Variants in PGAP6 observed in about 807,000 individuals in gnomAD.
The protein encoded by PGAP6 is post-GPI attachment to proteins 6.
In PGAP6, 62 loss-of-function variants were observed where a neutral mutation model predicts 68.4. That is an observed-to-expected ratio of 0.91 (90% CI 0.74 to 1.12). The LOEUF (loss-of-function observed/expected upper bound fraction) is 1.12. Among genes scored for constraint, PGAP6 ranks in the 50% most tolerant of loss-of-function variants. The pLI, the probability that PGAP6 is intolerant of heterozygous loss-of-function variation, is 0.00. For missense variants in PGAP6, 1,188 were observed against 1,068.5 expected (o/e 1.11, Z -1.56); for synonymous variants, 575 against 474.0 (o/e 1.21, Z -2.77).
intron 11 of PGAP6, 96 bp downstream of exon 11, chr16:373,909 G>A: frequency 1.6e-5 from 22 of 1,415,946 alleles, no homozygotes; most frequent in Admixed American, 5.3e-5. Context: ...CGTGCCCAAC[G>A]CCAGGTCCGG....
rs370572988 is a variant in PGAP6, at chr16:377,531, C to T, written c.354G>A (p.Pro118=). 1.8e-5 allele frequency: 28 copies of T among 1,592,714 alleles called. No homozygotes were observed. The highest frequency in any genetic ancestry group is 2.7e-5 in the African/African-American group (2 of 74,630). The change falls in exon 3 of 13, where the codon CCG becomes CCA. Residue 118 remains proline, a synonymous_variant. Transcript: ENST00000431232. Reference sequence around the variant, plus strand: ...AGGAGGGCTGTACCGCGGTGTCGTCCGGGAAGCTGGTGCCCAGCGGGTTGA... The same window carrying T: ...AGGAGGGCTGTACCGCGGTGTCGTCTGGGAAGCTGGTGCCCAGCGGGTTGA... The part of the protein sequence containing the change: ...PVINPLGTSF[P]DDTAVQPSFQ...
chr16:377,682 C>A lies in PGAP6; in HGVS notation c.288G>T (p.Ala96=). 1 of 1,584,956 alleles carries A rather than the reference C, an allele frequency of 6.3e-7. No individual in the cohort carries two copies. Among genetic ancestry groups the A allele is most frequent in the East Asian group, 2.3e-5 (1 of 43,224 alleles). The stretch of plus-strand genomic sequence containing the variant: ...GGGCAGCCACCTACACGGTGATCTC[C>A]GCGTCGGTGCAGGCAGCGCCGCTCT... ...SRESGAACTD[A]EITVHFRSGA... The change falls in exon 2 of 13, where the codon GCG becomes GCT. Residue 96 remains alanine (A), a synonymous_variant. Transcript: ENST00000431232.
At chr16:381,491 G>T (rs887843943) in intron 1 of PGAP6, among the ~76,000 whole-genome samples, 5 of 152,158 alleles carry the variant, frequency 3.3e-5, no homozygotes, top group Non-Finnish European at 7.4e-5. Context: ...CCGATCGGGG[G>T]ACCGAGGAGG....
rs575684080 is a variant in PGAP6, at chr16:375,964, A to G, written c.1224+172T>C. 1.3e-4 allele frequency among the ~76,000 whole-genome samples: 20 copies of G among 151,974 alleles called. No homozygotes were observed. In the East Asian group the frequency reaches 3.9e-3, roughly 29 times the overall value. On this transcript the variant is annotated intron_variant, in intron 6 of 12. Transcript: ENST00000431232. ...CACAGCCCCGGGGCCTGTTGACAGG[A>G]ACAAGGCTGCCCAGCAGGGGAGGCC... is the stretch of plus-strand genomic sequence containing the variant.
chr16:386,083 G>A (rs924760626), upstream of PGAP6, among the ~76,000 whole-genome samples: 15 of 152,146 alleles, frequency 9.9e-5, no homozygotes, highest in African/African-American at 3.6e-4. Flanking sequence ...CCCCTCTAGT[G>A]AGCCTGGGTG....
upstream of PGAP6, among the ~76,000 whole-genome samples, chr16:384,632 G>A (rs899660849): frequency 6.6e-6 from 1 of 152,162 alleles, no homozygotes; most frequent in African/African-American, 2.4e-5. Flanking sequence ...GAGGCCGGCG[G>A]ATCACGAGGT....
upstream of PGAP6, among the ~76,000 whole-genome samples, chr16:382,752 G>T: frequency 7.0e-6 from 1 of 143,810 alleles, no homozygotes; most frequent in African/African-American, 2.5e-5. Context: ...GGGTGGGAGG[G>T]GGGTGGGGGC....
intron 11 of PGAP6, among the ~76,000 whole-genome samples, chr16:373,197 G>A (rs529127414): frequency 6.6e-6 from 1 of 152,324 alleles, no homozygotes; most frequent in East Asian, 1.9e-4. Flanking sequence ...AGCCCTGCAG[G>A]ACCCTGGTGC....
chr16:381,708 C>A lies in PGAP6; in HGVS notation c.114G>T (p.Gly38=). Residue 38 remains glycine, a synonymous_variant, in exon 1 of 13, where the codon GGG becomes GGT. Transcript: ENST00000431232. ...RPPPASAGYS[G]KSEVGLVSEH... ...CCCGCGCCTCCCGCTCACCGCTCTTCCCGCTGTAGCCGGCGGAGGCAGGCG... is the reference window on the plus strand; with the variant it reads ...CCCGCGCCTCCCGCTCACCGCTCTTACCGCTGTAGCCGGCGGAGGCAGGCG... 1 of 1,210,330 alleles carries A rather than the reference C, an allele frequency of 8.3e-7. No individual in the cohort carries two copies. 75.0% of individuals were successfully genotyped at this position (1,210,330 alleles called of 1,614,324 possible). A position where few individuals can be genotyped will look rare whatever the true frequency, so the allele number is the denominator to read the frequency against.
chr16:371,741 C>T lies in PGAP6; in HGVS notation c.*246G>A. 1.9e-6 allele frequency: 1 copy of T among 520,424 alleles called. No homozygotes were observed. Among genetic ancestry groups the T allele is most frequent in the Non-Finnish European group, 3.5e-6 (1 of 287,582 alleles). The allele number at this position is 520,424 out of a possible 1,614,324, so 32.2% of individuals were successfully genotyped here. ...GGTCTCCAAGTAACCAAGCCCAGGC[C>T]CCAGGGGCCACTGCAGACAGCAGCT... On this transcript the variant is annotated 3_prime_UTR_variant, in exon 13 of 13. Coordinates refer to ENST00000431232, the MANE Select transcript of PGAP6 (RefSeq NM_021259.3).
Position 376,016 on chromosome 16 carries a change from C to T in PGAP6, c.1224+120G>A, listed in dbSNP as rs561892776. ...CCCAACATGGGCCCCTGTCTTGGCC[C>T]GTGCCTGCTGGTGTCACTGTGCCGC... On this transcript the variant is annotated intron_variant, in intron 6 of 12. Transcript: ENST00000431232. The T allele has an allele frequency of 2.4e-4, 253 of 1,072,348 alleles. 1 individual carries two copies. The African/African-American group carries it at 3.5e-3, about 15-fold the overall frequency. 66.4% of individuals were successfully genotyped at this position (1,072,348 alleles called of 1,614,324 possible). A position where few individuals can be genotyped will look rare whatever the true frequency, so the allele number is the denominator to read the frequency against.
Position 371,924 on chromosome 16 carries a change from T to TC in PGAP6, c.*62dup, listed in dbSNP as rs1449636185. 3 of 1,541,752 alleles carry TC rather than the reference T, an allele frequency of 1.9e-6. No individual in the cohort carries two copies. The highest frequency in any genetic ancestry group is 2.6e-6 in the Non-Finnish European group (3 of 1,133,968). ...TCTGTCCAGGGCTGGACCAGGCGCC[T>TC]CCCCCTCGATACAGCTCCTGGCTGA... On this transcript the variant is annotated 3_prime_UTR_variant, in exon 13 of 13. Transcript: ENST00000431232.
chr16:377,441 C>G lies in PGAP6; in HGVS notation c.444G>C (p.Pro148=). 1 of 1,610,596 alleles carries G rather than the reference C, an allele frequency of 6.2e-7. No homozygotes were observed. The highest frequency in any genetic ancestry group is 8.5e-7 in the Non-Finnish European group (1 of 1,178,896). ...CGGCCACGAACCAGTCCCCGGGGGC[C>G]GGGTGGGAAACGTTGACGGAGGCAT... is the stretch of plus-strand genomic sequence containing the variant. ...RSNASVNVSH[P]APGDWFVAAH... is the part of the protein sequence containing the mutation. Residue 148 remains proline (P), a synonymous_variant, in exon 3 of 13, where the codon CCG becomes CCC. Transcript: ENST00000431232.
chr16:386,807 C>T (rs754657201), upstream of PGAP6: 6 of 656,784 alleles, frequency 9.1e-6, no homozygotes, highest in East Asian at 3.4e-5. Flanking sequence ...CTCCTGAAGC[C>T]GAAGCCAAAG....
rs776773762 is a variant in PGAP6 at position 374,238 on chromosome 16, T to C, written c.1738A>G (p.Thr580Ala). ...FLVEASVYAY[T>A]MFFSTFYHAC... is the part of the protein sequence containing the mutation. Reference sequence around the variant, plus strand: ...CAGCCTACCGTGGAGAAGAACATGGTGTAGGCGTAGACGGAGGCCTCCACC... The same window carrying C: ...CAGCCTACCGTGGAGAAGAACATGGCGTAGGCGTAGACGGAGGCCTCCACC... The change falls in exon 10 of 13, where the codon ACC becomes GCC. Residue 580 changes from threonine (T) to alanine (A), a missense_variant. Thr to Ala is a moderately conservative substitution (Grantham distance 58). Coordinates refer to ENST00000431232, the MANE Select transcript of PGAP6 (RefSeq NM_021259.3). The C allele has an allele frequency of 1.1e-5, 18 of 1,609,104 alleles. No homozygotes were observed. Among genetic ancestry groups the C allele is most frequent in the East Asian group, 8.9e-5 (4 of 44,862 alleles).
At chr16:373,977 C>T (rs1380718980) in intron 11 of PGAP6, 28 bp downstream of exon 11, 2 of 1,581,758 alleles carry the variant, frequency 1.3e-6, no homozygotes, top group African/African-American at 2.7e-5. Flanking sequence ...TCCCCCGGAG[C>T]CCACACCCCA....
upstream of PGAP6, among the ~76,000 whole-genome samples, chr16:384,051 C>A (rs1333580473): frequency 6.6e-6 from 1 of 152,216 alleles, no homozygotes; most frequent in Non-Finnish European, 1.5e-5. Context: ...ATTTTAAAGG[C>A]ACGGAGGTCA....
chr16:374,208 G>C lies in PGAP6; in HGVS notation c.1755+13C>G. 1.2e-6 allele frequency: 2 copies of C among 1,610,452 alleles called. No individual in the cohort carries two copies. Among genetic ancestry groups the C allele is most frequent in the Non-Finnish European group, 1.7e-6 (2 of 1,179,736 alleles). On this transcript the variant is annotated intron_variant, in intron 10 of 12. Transcript: ENST00000431232. ...CCTCCCACCCCACATCCCTGCAGGA[G>C]GGGCCAGCCTACCGTGGAGAAGAAC...
Position 376,441 on chromosome 16 carries a change from T to C in PGAP6, c.919A>G (p.Ser307Gly). 2 of 1,566,426 alleles carry C rather than the reference T, an allele frequency of 1.3e-6. No homozygotes were observed. The highest frequency in any genetic ancestry group is 1.7e-6 in the Non-Finnish European group (2 of 1,154,316). Residue 307 changes from serine to glycine, a missense_variant, in exon 6 of 13, where the codon AGC becomes GGC. Transcript: ENST00000431232. ...TGCAGAAGGGGCTGGATGGTCACGC[T>C]CCGTGGCCTGCAAGCTGCCGAGAGG... ...VAALTACRPR[S>G]VTIQPLLQSS...
Sources: allele counts gnomAD v4.1 joint callset (sites outside exome capture counted in the v4.1 genomes callset), GRCh38; gene constraint gnomAD v4.1.1; transcripts MANE v1.5; gene names NCBI Gene and HGNC (gene_info 2026-07-23, HGNC 2026-07-21).